NRCAM: variants seen among roughly 807,000 people sequenced by gnomAD.
NRCAM encodes the protein NgCAM-related cell adhesion molecule.
Under a neutral mutation model 156.5 loss-of-function variants are expected in NRCAM, and 83 were observed. That is an observed-to-expected ratio of 0.53 (90% CI 0.44 to 0.64). NRCAM has a LOEUF of 0.64. NRCAM is among the 30% of genes least tolerant of loss of function. The pLI is 0.00. For missense variants in NRCAM, 1,417 were observed against 1,597.3 expected (o/e 0.89, Z 1.92); for synonymous variants, 538 against 563.9 (o/e 0.95, Z 0.65).
intron 15 of NRCAM, 52 bp from the exon 16 acceptor site, chr7:108,194,480 G>C: frequency 7.6e-7 from 1 of 1,320,282 alleles, no homozygotes; most frequent in Non-Finnish European, 1.0e-6. Context: ...ATATTTTGAA[G>C]TCAGACATAA....
intron 3 of NRCAM, 64 bp from the exon 4 acceptor site, chr7:108,240,234 A>G: frequency 1.9e-6 from 1 of 528,292 alleles, no homozygotes; most frequent in Admixed American, 3.3e-5. Context: ...TGAAGAGCGG[A>G]AGTCTGCAGC....
chr7:108,246,294 G>A (rs1284942121), intron 3 of NRCAM, among the ~76,000 whole-genome samples: 2 of 151,994 alleles, frequency 1.3e-5, no homozygotes, highest in Admixed American at 1.3e-4. Context: ...AAGAATCAGG[G>A]TGGGTGTTCA....
chr7:108,233,839 A>G (rs575320245), intron 6 of NRCAM, among the ~76,000 whole-genome samples: 1 of 152,342 alleles, frequency 6.6e-6, no homozygotes, highest in South Asian at 2.1e-4. Flanking sequence ...AAACTTCCAT[A>G]TATGACTGGA....
At chr7:108,442,644 C>T (rs1839916947) in intron 1 of NRCAM, among the ~76,000 whole-genome samples, 1 of 152,234 alleles carries the variant, frequency 6.6e-6, no homozygotes, top group Non-Finnish European at 1.5e-5. Context: ...ACTGGCATCA[C>T]TGGTCCCATG....
chr7:108,365,875 T>C (rs1277655253), intron 2 of NRCAM, among the ~76,000 whole-genome samples: 2 of 152,232 alleles, frequency 1.3e-5, no homozygotes, highest in Non-Finnish European at 2.9e-5. Flanking sequence ...TTAAGTAACA[T>C]GTAAAGGCTT....
At chr7:108,298,205 A>C (rs1162553608) in intron 3 of NRCAM, among the ~76,000 whole-genome samples, 2 of 152,222 alleles carry the variant, frequency 1.3e-5, no homozygotes, top group African/African-American at 2.4e-5. Flanking sequence ...AAACAAGTAC[A>C]TATTTAACAT....
intron 2 of NRCAM, among the ~76,000 whole-genome samples, chr7:108,389,307 C>T (rs7798787): frequency 0.96 from 146,133 of 152,226 alleles, 70,203 homozygotes; most frequent in East Asian, 1. Flanking sequence ...AGGTATTTTA[C>T]TCTCTTTGAA....
intron 1 of NRCAM, among the ~76,000 whole-genome samples, chr7:108,425,191 T>C (rs967250614): frequency 2.0e-5 from 3 of 152,200 alleles, no homozygotes; most frequent in African/African-American, 7.2e-5. Context: ...AGAACCACTT[T>C]GCTAGAATAT....
Position 108,149,851 on chromosome 7 carries a change from A to AAAC in NRCAM, c.*56_*58dup. 1 of 1,404,880 alleles carries AAAC rather than the reference A, an allele frequency of 7.1e-7. No individual in the cohort carries two copies. The highest frequency in any genetic ancestry group is 9.8e-7 in the Non-Finnish European group (1 of 1,016,284). 87.0% of individuals were successfully genotyped at this position (1,404,880 alleles called of 1,614,324 possible). The stretch of plus-strand genomic sequence containing the variant: ...ATGTTCATAGTATGAGAGGGCTGAC[A>AAAC]AACAAGTGCTTAGGATAAACATTCT... On this transcript the variant is annotated 3_prime_UTR_variant, in exon 33 of 33. Coordinates refer to ENST00000379028, the MANE Select transcript of NRCAM (RefSeq NM_001037132.4).
chr7:108,222,145 C>CA (rs1298425300), intron 11 of NRCAM, among the ~76,000 whole-genome samples: 1 of 152,128 alleles, frequency 6.6e-6, no homozygotes, highest in African/African-American at 2.4e-5. Flanking sequence ...TCCTTATAGT[C>CA]AGACTAATCT....
chr7:108,203,888 T>C (rs893007341), intron 13 of NRCAM, among the ~76,000 whole-genome samples: 4 of 152,220 alleles, frequency 2.6e-5, no homozygotes, highest in Non-Finnish European at 4.4e-5. Context: ...AGCTCACTTC[T>C]GGCGCCTATG....
chr7:108,184,280 T>C lies in NRCAM; in HGVS notation c.2265A>G (p.Gly755=). The change falls in exon 22 of 33, where the codon GGA becomes GGG. Residue 755 remains glycine, a synonymous_variant. Transcript: ENST00000379028. ...CCAAATTATCAGGCTCTGATCCCAG[T>C]CCTTCCACAGCTGTGGGGTTTTTAT... The part of the protein sequence containing the change: ...EPDKNPTAVE[G]LGSEPDNLVI... 6.2e-7 allele frequency: 1 copy of C among 1,614,176 alleles called. No homozygotes were observed. The highest frequency in any genetic ancestry group is 8.5e-7 in the Non-Finnish European group (1 of 1,180,012).
intron 3 of NRCAM, among the ~76,000 whole-genome samples, chr7:108,253,060 A>G (rs67592649): frequency 0.05 from 7,663 of 152,324 alleles, 255 homozygotes; most frequent in South Asian, 0.11. Context: ...TAGAAGCTTT[A>G]AAGCTGCAGC....
At chr7:108,400,697 T>C (rs536985826) in intron 1 of NRCAM, among the ~76,000 whole-genome samples, 13 of 152,282 alleles carry the variant, frequency 8.5e-5, no homozygotes, top group African/African-American at 3.1e-4. Context: ...TTTAGAACCC[T>C]ATAAATAGTT....
chr7:108,382,936 A>C (rs374560497), intron 2 of NRCAM, among the ~76,000 whole-genome samples: 1 of 152,156 alleles, frequency 6.6e-6, no homozygotes, highest in South Asian at 2.1e-4. Flanking sequence ...CTAGTTTGTG[A>C]ATTGGAGGAA....
chr7:108,184,636 CA>C (rs1563316814), intron 20 of NRCAM, 22 bp from the exon 21 acceptor site: 3 of 1,598,702 alleles, frequency 1.9e-6, no homozygotes, highest in Non-Finnish European at 2.6e-6. Flanking sequence ...ACACACACAC[CA>C]AACCCAAGAC....
intron 2 of NRCAM, among the ~76,000 whole-genome samples, chr7:108,390,418 T>C (rs2099755909): frequency 6.6e-6 from 1 of 152,182 alleles, no homozygotes; most frequent in Non-Finnish European, 1.5e-5. Flanking sequence ...TCGGTGGTGA[T>C]ACCCCTTTAT....
Position 108,296,950 on chromosome 7 carries a change from C to T in NRCAM, c.-107+15715G>A, listed in dbSNP as rs182753116. On this transcript the variant is annotated intron_variant, in intron 3 of 32. Transcript: ENST00000379028. ...CATCCTGAGCAATGCATTCTTTTAA[C>T]CCGAAAGAGGGTACTAGGCAAAAAA... is the stretch of plus-strand genomic sequence containing the variant. Among the ~76,000 whole-genome samples, 914 of 152,168 alleles carry T rather than the reference C, an allele frequency of 6.0e-3. 10 individuals are homozygous for T. Among genetic ancestry groups the T allele is most frequent in the African/African-American group, 0.021 (865 of 41,476 alleles).
intron 3 of NRCAM, among the ~76,000 whole-genome samples, chr7:108,258,630 A>G (rs1313186385): frequency 6.6e-6 from 1 of 152,202 alleles, no homozygotes; most frequent in African/African-American, 2.4e-5. Flanking sequence ...TGCATTGGTT[A>G]TGTTCAACAA....
Sources: allele counts gnomAD v4.1 joint callset (sites outside exome capture counted in the v4.1 genomes callset), GRCh38; gene constraint gnomAD v4.1.1; transcripts MANE v1.5; gene names NCBI Gene and HGNC (gene_info 2026-07-23, HGNC 2026-07-21).